The following ADGRG5 variants were observed in gnomAD, a reference collection of about 807,000 sequenced individuals.
ADGRG5 encodes the protein adhesion G protein-coupled receptor G5.
ADGRG5 carries 37 observed loss-of-function variants against 53.2 expected under a neutral mutation model. That is an observed-to-expected ratio of 0.70 (90% confidence interval 0.53 to 0.91). The LOEUF (loss-of-function observed/expected upper bound fraction) is 0.91. Ranked by LOEUF, ADGRG5 falls within the 40% of genes least tolerant of loss-of-function variation. ADGRG5 has a pLI of 0.00. For synonymous variants in ADGRG5, 277 were observed against 290.4 expected (o/e 0.95, Z 0.47); for missense variants, 614 against 675.8 (o/e 0.91, Z 1.01).
At chr16:57,547,781 A>G (rs187266467) in intron 1 of ADGRG5, among the ~76,000 whole-genome samples, 3 of 147,662 alleles carry the variant, frequency 2.0e-5, no homozygotes, top group Admixed American at 6.8e-5. Flanking sequence ...GAAGAGTCTC[A>G]CTCTGTCATC....
At chr16:57,537,852 G>T (rs1355939695), upstream of ADGRG5, among the ~76,000 whole-genome samples, 2 of 152,212 alleles carry the variant, frequency 1.3e-5, no homozygotes, top group Non-Finnish European at 2.9e-5. Context: ...CTGTTCACCA[G>T]CCAGAGATAG....
rs774774249 is a variant in ADGRG5 at position 57,575,504 on chromosome 16, T to C, written c.1553T>C (p.Ile518Thr). 1.9e-6 allele frequency: 3 copies of C among 1,614,174 alleles called. No homozygotes were observed. Among genetic ancestry groups the C allele is most frequent in the East Asian group, 2.2e-5 (1 of 44,884 alleles). Residue 518 changes from isoleucine (I) to threonine (T), a missense_variant, in exon 12 of 12, where the codon ATA becomes ACA. Physicochemically the swap from Ile to Thr is moderately conservative, Grantham distance 89. Transcript: ENST00000349457. The stretch of plus-strand genomic sequence containing the variant: ...TCAGAAGCAGAGGCCAAGGCACAGA[T>C]AGAGGCCTTCAGCTCCTCCCAAACA... The part of the protein sequence containing the change: ...CRSEAEAKAQ[I>T]EAFSSSQTTQ
chr16:57,572,142 A>G (rs1300041102), intron 10 of ADGRG5, among the ~76,000 whole-genome samples: 2 of 150,260 alleles, frequency 1.3e-5, no homozygotes, highest in Non-Finnish European at 3.0e-5. Flanking sequence ...AACATCTCTT[A>G]CTATGTATAT....
At chr16:57,536,791 C>T in the ADGRG5 span, among the ~76,000 whole-genome samples, 1 of 152,230 alleles carries the variant, frequency 6.6e-6, no homozygotes, top group South Asian at 2.1e-4. Flanking sequence ...GGCCGTACCC[C>T]AACGGAGGCC....
At chr16:57,575,126 T>C in intron 11 of ADGRG5, 34 bp downstream of exon 11, 1 of 1,586,742 alleles carries the variant, frequency 6.3e-7, no homozygotes, top group South Asian at 1.2e-5. Flanking sequence ...GGAAGCTACC[T>C]GGCAGGGGGT....
At chr16:57,554,761 A>G (rs1213836119) in intron 1 of ADGRG5, among the ~76,000 whole-genome samples, 1 of 152,176 alleles carries the variant, frequency 6.6e-6, no homozygotes, top group African/African-American at 2.4e-5. Context: ...GGAAGCATAG[A>G]TCACTGACTT....
Position 57,562,153 on chromosome 16 carries a change from A to T in ADGRG5, c.60A>T (p.Thr20=). ...GCCTTCTGACTTTGCAGAATGCAACAACAGGTAAGGGGGCTCTGCTGAACT... is the reference window on the plus strand; with the variant it reads ...GCCTTCTGACTTTGCAGAATGCAACTACAGGTAAGGGGGCTCTGCTGAACT... ...CLCLLTLQNA[T]TETWEELLSY... Residue 20 remains threonine, a synonymous_variant, in exon 2 of 12, where the codon ACA becomes ACT. Coordinates refer to ENST00000349457, the MANE Select transcript of ADGRG5 (RefSeq NM_001304376.3). 3 of 1,601,516 alleles carry T rather than the reference A, an allele frequency of 1.9e-6. No homozygotes were observed. Among genetic ancestry groups the T allele is most frequent in the Non-Finnish European group, 2.6e-6 (3 of 1,171,308 alleles).
chr16:57,556,789 C>G (rs1467756800), intron 1 of ADGRG5, among the ~76,000 whole-genome samples: 1 of 152,116 alleles, frequency 6.6e-6, no homozygotes, highest in African/African-American at 2.4e-5. Context: ...AAATTTCCAA[C>G]TGGCATAATT....
intron 4 of ADGRG5, 146 bp from the exon 5 acceptor site, chr16:57,563,701 GT>G: frequency 1.0e-6 from 1 of 996,344 alleles, no homozygotes; most frequent in Non-Finnish European, 1.5e-6. Flanking sequence ...ATCTTGGGAA[GT>G]TTGGGAGGAG....
chr16:57,536,800 C>T, the ADGRG5 span, among the ~76,000 whole-genome samples: 1 of 152,246 alleles, frequency 6.6e-6, no homozygotes, highest in African/African-American at 2.4e-5. Flanking sequence ...CCAACGGAGG[C>T]CCCACCCCCG....
intron 1 of ADGRG5, among the ~76,000 whole-genome samples, chr16:57,544,468 C>T (rs1315489703): frequency 6.6e-6 from 1 of 152,110 alleles, no homozygotes; most frequent in African/African-American, 2.4e-5. Context: ...CAGCTTCTAT[C>T]TGGAGTGCCT....
At chr16:57,535,275 G>A in the ADGRG5 span, among the ~76,000 whole-genome samples, 7 of 152,302 alleles carry the variant, frequency 4.6e-5, no homozygotes, top group African/African-American at 1.7e-4. Context: ...TGGCGGCTAG[G>A]CCTCCAGGCT....
At chr16:57,553,845 C>T (rs1426060125) in intron 1 of ADGRG5, among the ~76,000 whole-genome samples, 1 of 152,124 alleles carries the variant, frequency 6.6e-6, no homozygotes, top group Non-Finnish European at 1.5e-5. Context: ...AATTTGGAAG[C>T]ATTTTCCCTT....
In ADGRG5 at chr16:57,567,616, C is replaced by G. The variant is rs202041306; in HGVS notation, c.821+25C>G. The G allele has an allele frequency of 2.7e-4, 428 of 1,606,052 alleles. 1 individual carries two copies. Among genetic ancestry groups the G allele is most frequent in the Middle Eastern group, 1.8e-3 (11 of 6,054 alleles). ...GGTATTCCGCTGCCACAGTGCTGGG[C>G]CTGCCCTGCACTGTGGCACATCACG... On this transcript the variant is annotated intron_variant, in intron 8 of 11. Transcript: ENST00000349457.
chr16:57,532,732 CACAG>C, the ADGRG5 span, among the ~76,000 whole-genome samples: 4 of 132,744 alleles, frequency 3.0e-5, no homozygotes, highest in Admixed American at 7.5e-5. Flanking sequence ...CACACACACA[CACAG>C]AGGCAGACAC....
In ADGRG5 at chr16:57,574,718, C is replaced by A; in HGVS notation, c.1209-97C>A. The A allele has an allele frequency of 7.4e-7, 1 of 1,354,540 alleles. No homozygotes were observed. Among genetic ancestry groups the A allele is most frequent in the Non-Finnish European group, 9.9e-7 (1 of 1,006,046 alleles). The allele number at this position is 1,354,540 out of a possible 1,614,324, so 83.9% of individuals were successfully genotyped here. On this transcript the variant is annotated intron_variant, in intron 10 of 11. Coordinates refer to ENST00000349457, the MANE Select transcript of ADGRG5 (RefSeq NM_001304376.3). The surrounding 1 kb of genome is among the most constrained non-coding windows in gnomAD (Gnocchi z 4.4). The stretch of plus-strand genomic sequence containing the variant: ...TCAGTCAGGCAAGAAACAATAGGGC[C>A]TGAGCCAGGAGACCGAGTGGGGCTT...
upstream of ADGRG5, among the ~76,000 whole-genome samples, chr16:57,537,856 GAGAT>G (rs1331888384): frequency 6.6e-6 from 1 of 152,216 alleles, no homozygotes; most frequent in Non-Finnish European, 1.5e-5. Context: ...TCACCAGCCA[GAGAT>G]AGATAGGAGA....
At chr16:57,537,261 G>A in the ADGRG5 span, among the ~76,000 whole-genome samples, 10 of 151,914 alleles carry the variant, frequency 6.6e-5, no homozygotes, top group African/African-American at 2.4e-4. Flanking sequence ...GGAAAGCCGG[G>A]ACAGGCGTCT....
chr16:57,562,700 C>G, intron 3 of ADGRG5: 3 of 555,754 alleles, frequency 5.4e-6, no homozygotes, highest in Non-Finnish European at 9.6e-6. Flanking sequence ...TATGGGTCTC[C>G]ATGCATTTTC....
Sources: allele counts gnomAD v4.1 joint callset (sites outside exome capture counted in the v4.1 genomes callset), GRCh38; gene constraint gnomAD v4.1.1; non-coding constraint Gnocchi (gnomAD v3.1); transcripts MANE v1.5; gene names NCBI Gene and HGNC (gene_info 2026-07-23, HGNC 2026-07-21).